The following TENM3 variants were observed in gnomAD, a reference collection of about 807,000 sequenced individuals.
TENM3 encodes teneurin transmembrane protein 3.
TENM3 carries 63 observed loss-of-function variants against 255.1 expected under a neutral mutation model. That is an observed-to-expected ratio of 0.25 (90% CI 0.20 to 0.30). The LOEUF (loss-of-function observed/expected upper bound fraction) is 0.30. Ranked by LOEUF, TENM3 falls within the 10% of genes least tolerant of loss-of-function variation. TENM3 has a pLI of 1.00. For synonymous variants in TENM3, 1,306 were observed against 1,322.3 expected (o/e 0.99, Z 0.27); for missense variants, 2,929 against 3,461.1 (o/e 0.85, Z 3.86).
At chr4:182,109,717 G>A in the TENM3 span, among the ~76,000 whole-genome samples, 16 of 152,110 alleles carry the variant, frequency 1.1e-4, no homozygotes, top group Non-Finnish European at 1.6e-4. Flanking sequence ...ATTGTCCTCC[G>A]GACCTTGTAA....
At chr4:181,882,207 G>T in the TENM3 span, among the ~76,000 whole-genome samples, 90,113 of 151,958 alleles carry the variant, frequency 0.59, 27,268 homozygotes, top group Middle Eastern at 0.66. Flanking sequence ...GAGGGCATCT[G>T]CTCGACTCTA....
chr4:182,235,340 G>A (rs1320301833), intron 1 of TENM3, among the ~76,000 whole-genome samples: 1 of 152,158 alleles, frequency 6.6e-6, no homozygotes, highest in Admixed American at 6.5e-5. Flanking sequence ...TATGTGGTTA[G>A]GCGTGGTCTT....
chr4:181,646,852 A>T, the TENM3 span, among the ~76,000 whole-genome samples: 27 of 152,206 alleles, frequency 1.8e-4, no homozygotes, highest in Non-Finnish European at 1.5e-5. Flanking sequence ...AAAAAGATCT[A>T]ATTTATTTAA....
intron 4 of TENM3, among the ~76,000 whole-genome samples, chr4:182,616,801 T>A (rs548944194): frequency 6.6e-6 from 1 of 152,278 alleles, no homozygotes; most frequent in African/African-American, 2.4e-5. Flanking sequence ...TATCTCTGGA[T>A]GTCTATTGAG....
At chr4:181,998,699 CCATTAAATCAT>C in the TENM3 span, among the ~76,000 whole-genome samples, 1 of 152,280 alleles carries the variant, frequency 6.6e-6, no homozygotes, top group African/African-American at 2.4e-5. Flanking sequence ...ACCTCTCCAG[CCATTAAATCAT>C]CATTAACCCA....
the TENM3 span, among the ~76,000 whole-genome samples, chr4:181,571,376 G>A: frequency 6.6e-6 from 1 of 152,156 alleles, no homozygotes; most frequent in East Asian, 1.9e-4. Context: ...TCACTCTGTT[G>A]CCCAGGCTGG....
At chr4:182,017,052 A>C in the TENM3 span, among the ~76,000 whole-genome samples, 3 of 152,352 alleles carry the variant, frequency 2.0e-5, no homozygotes, top group East Asian at 5.8e-4. Context: ...TTCCAAACAT[A>C]GACAAGACCA....
chr4:181,678,303 G>C, the TENM3 span, among the ~76,000 whole-genome samples: 4 of 152,074 alleles, frequency 2.6e-5, no homozygotes, highest in Non-Finnish European at 4.4e-5. Context: ...TAGGAATCAG[G>C]AAAGAGCTCT....
intron 15 of TENM3, 50 bp downstream of exon 15, chr4:182,730,369 T>G (rs377043752): frequency 1.7e-4 from 266 of 1,601,848 alleles, no homozygotes; most frequent in Non-Finnish European, 2.1e-4. Context: ...ATATAAAAAC[T>G]AGACCTTCCT....
chr4:182,373,319 G>C (rs1361257752), intron 3 of TENM3, among the ~76,000 whole-genome samples: 1 of 152,162 alleles, frequency 6.6e-6, no homozygotes, highest in Non-Finnish European at 1.5e-5. Context: ...GAGTGAGTCT[G>C]TTTTGCCTTG....
At chr4:181,625,386 G>C in the TENM3 span, among the ~76,000 whole-genome samples, 26 of 152,330 alleles carry the variant, frequency 1.7e-4, no homozygotes, top group South Asian at 5.0e-3. Flanking sequence ...GAAGTGCAGA[G>C]ATTTTTCCCT....
At position 182,641,519 on chromosome 4, in the gene TENM3, G is replaced by GT. The variant is rs201738527; in HGVS notation, c.989-12243dup. Among the ~76,000 whole-genome samples the GT allele has an allele frequency of 2.7e-3, 400 of 149,210 alleles. 1 individual carries two copies. Among genetic ancestry groups the GT allele is most frequent in the Admixed American group, 4.6e-3 (69 of 14,976 alleles). On this transcript the variant is annotated intron_variant, in intron 5 of 27. Transcript: ENST00000511685. ...ATTTGTTACATAAAAGTAGTATGCAGTTTTTTTTTGTTGTTTTTTTTTTTT... is the reference window on the plus strand; with the variant it reads ...ATTTGTTACATAAAAGTAGTATGCAGTTTTTTTTTTGTTGTTTTTTTTTTTT...
intron 1 of TENM3, among the ~76,000 whole-genome samples, chr4:182,219,937 C>G (rs1010774825): frequency 6.6e-6 from 1 of 152,116 alleles, no homozygotes; most frequent in South Asian, 2.1e-4. Context: ...ATTTAATATG[C>G]CTCTGTATGT....
intron 1 of TENM3, among the ~76,000 whole-genome samples, chr4:182,279,321 G>T (rs1237391911): frequency 6.6e-6 from 1 of 151,984 alleles, no homozygotes; most frequent in Non-Finnish European, 1.5e-5. Context: ...GAGATATATT[G>T]CTTATAATAT....
At chr4:181,565,390 A>T in the TENM3 span, among the ~76,000 whole-genome samples, 10 of 152,254 alleles carry the variant, frequency 6.6e-5, no homozygotes, top group African/African-American at 2.4e-4. Flanking sequence ...ATTTTACTGG[A>T]TGGTTACAAT....
At chr4:181,513,351 C>A in the TENM3 span, among the ~76,000 whole-genome samples, 1 of 152,134 alleles carries the variant, frequency 6.6e-6, no homozygotes, top group African/African-American at 2.4e-5. Flanking sequence ...TTCAGAATTT[C>A]TGTAGAAATT....
chr4:182,585,134 C>T lies in TENM3; in HGVS notation c.512-15790C>T, dbSNP rs1252432146. Among the ~76,000 whole-genome samples, 5 of 152,274 alleles carry T rather than the reference C, an allele frequency of 3.3e-5. No individual in the cohort carries two copies. In the East Asian group the frequency reaches 9.6e-4, roughly 29 times the overall value. ...AAATTAACTCCTTCCACTAAAATAACACTTCACAGTTTATAAAAATACTTT... is the reference window on the plus strand; with the variant it reads ...AAATTAACTCCTTCCACTAAAATAATACTTCACAGTTTATAAAAATACTTT... On this transcript the variant is annotated intron_variant, in intron 3 of 27. Transcript: ENST00000511685.
chr4:182,140,986 T>TCCCCCC (rs199951374), upstream of TENM3, among the ~76,000 whole-genome samples: 15 of 115,690 alleles, frequency 1.3e-4, no homozygotes, highest in Admixed American at 2.0e-4. Flanking sequence ...GCCCATTATA[T>TCCCCCC]CCCTCCCCCC....
the TENM3 span, among the ~76,000 whole-genome samples, chr4:181,453,224 A>G: frequency 8.5e-5 from 13 of 152,282 alleles, no homozygotes; most frequent in South Asian, 2.7e-3. Context: ...AAGATAGAAA[A>G]CAAAGGAAAG....
Sources: allele counts gnomAD v4.1 joint callset (sites outside exome capture counted in the v4.1 genomes callset), GRCh38; gene constraint gnomAD v4.1.1; transcripts MANE v1.5; gene names NCBI Gene and HGNC (gene_info 2026-07-23, HGNC 2026-07-21).